Variants in BTBD1 observed in about 807,000 individuals in gnomAD.
The protein encoded by BTBD1 is BTB domain containing 1, also known as BTB/POZ domain-containing protein 1.
Under a neutral mutation model 48.0 loss-of-function variants are expected in BTBD1, and 34 were observed. The ratio of observed to expected loss-of-function variants is 0.71; its 90% CI spans 0.54 to 0.94. The LOEUF (loss-of-function observed/expected upper bound fraction) is 0.94. Ranked by LOEUF, BTBD1 falls within the 40% of genes least tolerant of loss-of-function variation. The pLI, the probability that BTBD1 is intolerant of heterozygous loss-of-function variation, is 0.00. For synonymous variants in BTBD1, 261 were observed against 242.1 expected (o/e 1.08, Z -0.72); for missense variants, 543 against 625.6 (o/e 0.87, Z 1.41).
intron 1 of BTBD1, among the ~76,000 whole-genome samples, chr15:83,060,452 A>G (rs951753735): frequency 7.5e-6 from 1 of 133,616 alleles, no homozygotes; most frequent in African/African-American, 3.0e-5. Flanking sequence ...CCCCAAATTA[A>G]TAATTTTCAA....
chr15:83,038,258 A>G (rs139905522), intron 4 of BTBD1, among the ~76,000 whole-genome samples: 2 of 152,316 alleles, frequency 1.3e-5, no homozygotes, highest in African/African-American at 4.8e-5. Context: ...CACACAAAAA[A>G]TAAAATACCT....
intron 6 of BTBD1, among the ~76,000 whole-genome samples, chr15:83,019,952 A>G (rs1453487581): frequency 7.5e-6 from 1 of 134,026 alleles, no homozygotes; most frequent in Non-Finnish European, 1.6e-5. Context: ...CCTGGGCAAC[A>G]GAGCAAGACT....
chr15:83,032,978 A>AAAAAAAAAC (rs1411126796), intron 4 of BTBD1, among the ~76,000 whole-genome samples: 12 of 146,706 alleles, frequency 8.2e-5, no homozygotes, highest in African/African-American at 2.9e-4. Flanking sequence ...TCAAAAAAAA[A>AAAAAAAAAC]AAAAAAAAAA....
intron 3 of BTBD1, among the ~76,000 whole-genome samples, chr15:83,049,615 A>G (rs911031217): frequency 3.9e-5 from 6 of 152,100 alleles, no homozygotes; most frequent in African/African-American, 1.4e-4. Context: ...TTTTAAGTTC[A>G]GGGGTACATG....
chr15:83,059,851 C>T (rs1466213946), intron 1 of BTBD1, among the ~76,000 whole-genome samples: 1 of 152,206 alleles, frequency 6.6e-6, no homozygotes, highest in Admixed American at 6.5e-5. Context: ...CTCAGCCTCC[C>T]CAAGTGCTGG....
At position 83,066,954 on chromosome 15, in the gene BTBD1, C is replaced by T. The variant is rs1458293307; in HGVS notation, c.198G>A (p.Glu66=). Reference sequence around the variant, plus strand: ...GTACGAAGCGCACATCGCTCAGCAGCTCCGAGTTGAAGAGGAAGGCGAAGC... The same window carrying T: ...GTACGAAGCGCACATCGCTCAGCAGTTCCGAGTTGAAGAGGAAGGCGAAGC... ...KERFAFLFNS[E]LLSDVRFVLG... is the part of the protein sequence containing the mutation. Residue 66 remains glutamate, a synonymous_variant, in exon 1 of 8, where the codon GAG becomes GAA. Coordinates refer to ENST00000261721, the MANE Select transcript of BTBD1 (RefSeq NM_025238.4). 1.9e-6 allele frequency: 3 copies of T among 1,580,300 alleles called. No individual in the cohort carries two copies. Among genetic ancestry groups the T allele is most frequent in the Non-Finnish European group, 2.6e-6 (3 of 1,165,802 alleles).
chr15:83,022,508 C>T (rs1489482924), intron 5 of BTBD1: 2 of 151,666 alleles, frequency 1.3e-5, no homozygotes, highest in East Asian at 3.9e-4. Flanking sequence ...CTCACCTCTA[C>T]TAAAAATACA....
intron 4 of BTBD1, among the ~76,000 whole-genome samples, chr15:83,038,344 C>T (rs1342449638): frequency 2.0e-5 from 3 of 151,840 alleles, no homozygotes; most frequent in African/African-American, 7.3e-5. Context: ...ATATTTTTAC[C>T]AAGTAAAAGA....
At chr15:83,047,579 A>G (rs2032904291) in intron 3 of BTBD1, among the ~76,000 whole-genome samples, 1 of 152,220 alleles carries the variant, frequency 6.6e-6, no homozygotes, top group Admixed American at 6.5e-5. Context: ...ATAAAATAAC[A>G]GCCAAAATGT....
intron 1 of BTBD1, among the ~76,000 whole-genome samples, chr15:83,058,101 C>T (rs1402976580): frequency 6.6e-6 from 1 of 152,240 alleles, no homozygotes; most frequent in Admixed American, 6.5e-5. Context: ...TATACACAGG[C>T]TTTAAATTAA....
rs2032492295 is a variant in BTBD1 at position 83,030,335 on chromosome 15, A to G, written c.863-7T>C. 1.3e-6 allele frequency: 2 copies of G among 1,597,642 alleles called. No homozygotes were observed. The highest frequency in any genetic ancestry group is 3.5e-5 in the Admixed American group (2 of 56,764). ...ATTCCAGATTGAGCAGGACCTGTGGAAATAAAAACATAAGCCTAAAAAAAG... is the reference window on the plus strand; with the variant it reads ...ATTCCAGATTGAGCAGGACCTGTGGGAATAAAAACATAAGCCTAAAAAAAG... On this transcript the variant is annotated splice_polypyrimidine_tract_variant and splice_region_variant and intron_variant, in intron 4 of 7. Coordinates refer to ENST00000261721, the MANE Select transcript of BTBD1 (RefSeq NM_025238.4).
chr15:83,023,681 C>T (rs2032345807), intron 5 of BTBD1, among the ~76,000 whole-genome samples: 2 of 152,140 alleles, frequency 1.3e-5, no homozygotes, highest in Admixed American at 1.3e-4. Context: ...TGAGCCACCA[C>T]ACCCAGTCAA....
At chr15:83,052,808 T>TTTTTTC (rs1469336222) in intron 2 of BTBD1, among the ~76,000 whole-genome samples, 3 of 141,364 alleles carry the variant, frequency 2.1e-5, no homozygotes, top group Non-Finnish European at 4.7e-5. Flanking sequence ...TTTTTTTTTT[T>TTTTTTC]TTTTTTTTTT....
chr15:83,024,020 T>C (rs900598646), intron 5 of BTBD1: 1 of 152,132 alleles, frequency 6.6e-6, no homozygotes, highest in African/African-American at 2.4e-5. Flanking sequence ...AGGCACACGC[T>C]ACCATGCTCA....
chr15:83,047,111 C>A (rs2032894090), intron 3 of BTBD1, among the ~76,000 whole-genome samples: 1 of 152,162 alleles, frequency 6.6e-6, no homozygotes, highest in East Asian at 1.9e-4. Flanking sequence ...GAGACAAAGT[C>A]CCTGCCTTCA....
intron 3 of BTBD1, among the ~76,000 whole-genome samples, chr15:83,048,674 G>C (rs1567110182): frequency 6.6e-6 from 1 of 152,168 alleles, no homozygotes; most frequent in Non-Finnish European, 1.5e-5. Context: ...GACTTCAAAT[G>C]AAAGTGTCTA....
At chr15:83,030,383 T>C in intron 4 of BTBD1, 55 bp from the exon 5 acceptor site, 1 of 1,451,172 alleles carries the variant, frequency 6.9e-7, no homozygotes, top group Non-Finnish European at 9.5e-7. Flanking sequence ...AATTCCTAAC[T>C]TTGGAATTCA....
At chr15:83,063,589 G>A (rs1021200810) in intron 1 of BTBD1, among the ~76,000 whole-genome samples, 2 of 152,038 alleles carry the variant, frequency 1.3e-5, no homozygotes, top group Non-Finnish European at 2.9e-5. Flanking sequence ...TTTTTAAAAT[G>A]TAAATCAGAT....
At chr15:83,026,984 G>A (rs567802221) in intron 5 of BTBD1, among the ~76,000 whole-genome samples, 2 of 152,210 alleles carry the variant, frequency 1.3e-5, no homozygotes, top group South Asian at 4.1e-4. Flanking sequence ...GTGTGTGTGT[G>A]TGTGTGTGTA....
Sources: allele counts gnomAD v4.1 joint callset (sites outside exome capture counted in the v4.1 genomes callset), GRCh38; gene constraint gnomAD v4.1.1; transcripts MANE v1.5; gene names NCBI Gene and HGNC (gene_info 2026-07-23, HGNC 2026-07-21).